Variants in TARBP1 observed in about 807,000 individuals in gnomAD.
TARBP1 encodes tRNA guanosine 2 -O-methyltransferase TARBP1.
A neutral mutation model predicts 178.6 loss-of-function variants in TARBP1; 144 were observed. That is an observed-to-expected ratio of 0.81 (90% CI 0.70 to 0.93). The LOEUF (loss-of-function observed/expected upper bound fraction) is 0.93. Among genes scored for constraint, TARBP1 ranks in the 40% least tolerant of loss-of-function variants. TARBP1 has a pLI of 0.00. For synonymous variants in TARBP1, 787 were observed against 781.0 expected (o/e 1.01, Z -0.13); for missense variants, 2,067 against 2,011.7 (o/e 1.03, Z -0.53).
chr1:234,448,329 A>C lies in TARBP1; in HGVS notation c.1961+151T>G, dbSNP rs565988920. 1.1e-5 allele frequency: 7 copies of C among 610,674 alleles called. No individual in the cohort carries two copies. The African/African-American group carries it at 1.3e-4, about 11-fold the overall frequency. The allele number at this position is 610,674 out of a possible 1,614,324, so 37.8% of individuals were successfully genotyped here. ...CCTATTCCTATTTGTTATTAACTTT[A>C]AACATTTCTTCAGTATACTGTTAAT... On this transcript the variant is annotated intron_variant, in intron 11 of 29. Transcript: ENST00000040877.
intron 5 of TARBP1, among the ~76,000 whole-genome samples, chr1:234,464,537 T>C (rs1237348861): frequency 6.6e-6 from 1 of 152,208 alleles, no homozygotes; most frequent in Non-Finnish European, 1.5e-5. Context: ...TTTTCATTGG[T>C]TTTACTGCTC....
intron 26 of TARBP1, 21 bp downstream of exon 26, chr1:234,398,361 A>G: frequency 6.4e-7 from 1 of 1,556,440 alleles, no homozygotes; most frequent in South Asian, 1.2e-5. Context: ...GGGAAAAAAT[A>G]AAATGAAAAT....
At chr1:234,421,083 TTTTG>T (rs980208782) in intron 20 of TARBP1, among the ~76,000 whole-genome samples, 3 of 152,128 alleles carry the variant, frequency 2.0e-5, no homozygotes, top group African/African-American at 4.8e-5. Flanking sequence ...CTTACATGTT[TTTTG>T]TTTGTTTGTT....
intron 25 of TARBP1, among the ~76,000 whole-genome samples, chr1:234,398,942 A>T (rs1269996507): frequency 6.6e-6 from 1 of 152,244 alleles, no homozygotes; most frequent in Non-Finnish European, 1.5e-5. Context: ...TTTCATGACA[A>T]GTCTTTTACT....
rs547024145 is a variant in TARBP1 at position 234,425,870 on chromosome 1, T to C, written c.3324-77A>G. On this transcript the variant is annotated intron_variant, in intron 19 of 29. Coordinates refer to ENST00000040877, the MANE Select transcript of TARBP1 (RefSeq NM_005646.4). ...TAACATCAAATATTAGTTTCAAATATCATTACACGATCAAAACCTCTCAAA... is the reference window on the plus strand; with the variant it reads ...TAACATCAAATATTAGTTTCAAATACCATTACACGATCAAAACCTCTCAAA... The C allele has an allele frequency of 7.8e-5, 93 of 1,185,200 alleles. 1 individual carries two copies. The South Asian group carries it at 1.4e-3, about 17-fold the overall frequency. 73.4% of individuals were successfully genotyped at this position (1,185,200 alleles called of 1,614,324 possible). A position where few individuals can be genotyped will look rare whatever the true frequency, so the allele number is the denominator to read the frequency against.
intron 22 of TARBP1, 23 bp downstream of exon 22, chr1:234,418,061 T>C (rs760776220): frequency 3.3e-6 from 4 of 1,202,914 alleles, no homozygotes; most frequent in Non-Finnish European, 4.4e-6. Context: ...TTTAAAAATA[T>C]ATAAAAAATA....
In TARBP1 at chr1:234,478,578, C is replaced by G. The variant is rs754499605; in HGVS notation, c.526G>C (p.Gly176Arg). The change falls in exon 1 of 30, where the codon GGG becomes CGG. Residue 176 changes from glycine to arginine, a missense_variant. Coordinates refer to ENST00000040877, the MANE Select transcript of TARBP1 (RefSeq NM_005646.4). ...GCAGGCCCGGCCTCATCCCCGTCCC[C>G]GCCCCCGCCCAGCGCCAGGGCGACG... ...TAVALALGGG[G>R]DGDEAGPAED... 44 of 1,288,636 alleles carry G rather than the reference C, an allele frequency of 3.4e-5. 1 individual carries two copies. The South Asian group carries it at 8.1e-4, about 24-fold the overall frequency. The allele number at this position is 1,288,636 out of a possible 1,614,324, so 79.8% of individuals were successfully genotyped here.
chr1:234,479,144 A>G lies in TARBP1; in HGVS notation c.-41T>C, dbSNP rs760460483. 6.7e-7 allele frequency: 1 copy of G among 1,486,662 alleles called. No individual in the cohort carries two copies. Among genetic ancestry groups the G allele is most frequent in the South Asian group, 1.3e-5 (1 of 76,876 alleles). 92.1% of individuals were successfully genotyped at this position (1,486,662 alleles called of 1,614,324 possible). A position where few individuals can be genotyped will look rare whatever the true frequency, so the allele number is the denominator to read the frequency against. ...GCCACCGGCCCGGGCTCCCAAAGGA[A>G]GGCGCCGGCGTGTGCGATGCGTGCG... On this transcript the variant is annotated 5_prime_UTR_variant, in exon 1 of 30. Transcript: ENST00000040877.
intron 6 of TARBP1, among the ~76,000 whole-genome samples, chr1:234,462,428 C>T (rs539191192): frequency 2.0e-4 from 30 of 152,298 alleles, no homozygotes; most frequent in Non-Finnish European, 3.7e-4. Context: ...TGGTGGCTCA[C>T]GCCTGTAATC....
In TARBP1 at chr1:234,450,537, G is replaced by A; in HGVS notation, c.1752C>T (p.Ser584=). Residue 584 remains serine, a synonymous_variant, in exon 10 of 30, where the codon AGC becomes AGT. Transcript: ENST00000040877. ...TACACGTAGGGGATGGCTTAAAATA[G>A]CTTTCATTAACACGTAGCCAGTCAC... ...ELCDWLRVNE[S]YFKPSPTCSS... The A allele has an allele frequency of 6.2e-7, 1 of 1,610,148 alleles. No homozygotes were observed.
intron 16 of TARBP1, 41 bp downstream of exon 16, chr1:234,429,375 T>C (rs1215122097): frequency 6.3e-7 from 1 of 1,577,738 alleles, no homozygotes; most frequent in African/African-American, 1.4e-5. Flanking sequence ...TGATCGCCAC[T>C]CCTATAGTTA....
At chr1:234,474,759 T>C (rs1231991209) in intron 1 of TARBP1, among the ~76,000 whole-genome samples, 1 of 152,096 alleles carries the variant, frequency 6.6e-6, no homozygotes, top group Non-Finnish European at 1.5e-5. Flanking sequence ...GAGGACAAAA[T>C]AAAGGCATTT....
intron 8 of TARBP1, 31 bp downstream of exon 8, chr1:234,459,199 T>G (rs764784982): frequency 1.3e-6 from 2 of 1,564,712 alleles, no homozygotes; most frequent in South Asian, 2.3e-5. Context: ...AAGAAAGACT[T>G]GTAAATGGAA....
chr1:234,471,328 CT>C, intron 2 of TARBP1, 71 bp from the exon 3 acceptor site: 1 of 983,000 alleles, frequency 1.0e-6, no homozygotes, highest in Non-Finnish European at 1.6e-6. Flanking sequence ...ATTTTCATCT[CT>C]TTATTTCACA....
rs1664166177 is a variant in TARBP1 at position 234,429,501 on chromosome 1, A to C, written c.2786T>G (p.Leu929Trp). Residue 929 changes from leucine (L) to tryptophan (W), a missense_variant, in exon 16 of 30, where the codon TTG (leucine) becomes TGG (tryptophan). By Grantham distance (61) the Leu-to-Trp change is moderately conservative (BLOSUM62 -2). Transcript: ENST00000040877. ...LPAVQMPIRT[L>W]QSALEALTVL... ...TGTGAGGGCTTCTAGTGCAGACTGCAAAGTCCTTATTGGCATCTGAACGGC... is the reference window on the plus strand; with the variant it reads ...TGTGAGGGCTTCTAGTGCAGACTGCCAAGTCCTTATTGGCATCTGAACGGC... The C allele has an allele frequency of 6.2e-7, 1 of 1,614,228 alleles. No individual in the cohort carries two copies. The highest frequency in any genetic ancestry group is 1.7e-5 in the Admixed American group (1 of 60,024).
intron 28 of TARBP1, among the ~76,000 whole-genome samples, chr1:234,392,947 C>T (rs1489301133): frequency 6.6e-6 from 1 of 152,102 alleles, no homozygotes; most frequent in African/African-American, 2.4e-5. Context: ...TCTCGATCTC[C>T]TGAGCTTGTG....
At chr1:234,413,565 T>C (rs551262348) in intron 22 of TARBP1, among the ~76,000 whole-genome samples, 2 of 152,238 alleles carry the variant, frequency 1.3e-5, no homozygotes, top group South Asian at 2.1e-4. Context: ...AGGTAGTGAA[T>C]TGAGAATAGA....
chr1:234,420,786 T>C lies in TARBP1; in HGVS notation c.3471A>G (p.Lys1157=). The C allele has an allele frequency of 6.2e-7, 1 of 1,608,362 alleles. No homozygotes were observed. Among genetic ancestry groups the C allele is most frequent in the Non-Finnish European group, 8.5e-7 (1 of 1,177,042 alleles). Residue 1157 remains lysine, a synonymous_variant, in exon 21 of 30, where the codon AAA becomes AAG. Coordinates refer to ENST00000040877, the MANE Select transcript of TARBP1 (RefSeq NM_005646.4). ...GCTGTAGAGAATTCACATAGTAGCG[T>C]TTTTTGGACTTGGACACTAATTCAT... The part of the protein sequence containing the change: ...DKDELVSKSK[K]RYYVNSLQHR...
chr1:234,425,561 GTGTT>G, intron 20 of TARBP1, 108 bp downstream of exon 20: 1 of 1,160,426 alleles, frequency 8.6e-7, no homozygotes, highest in Non-Finnish European at 1.2e-6. Flanking sequence ...CATAAACTTT[GTGTT>G]TTCTCCTGAC....
Sources: allele counts gnomAD v4.1 joint callset (sites outside exome capture counted in the v4.1 genomes callset), GRCh38; gene constraint gnomAD v4.1.1; transcripts MANE v1.5; gene names NCBI Gene and HGNC (gene_info 2026-07-23, HGNC 2026-07-21).